Variants in C12orf42 observed in about 807,000 individuals in gnomAD.
The protein encoded by C12orf42 is chromosome 12 open reading frame 42, also known as uncharacterized protein C12orf42.
C12orf42 carries 25 observed loss-of-function variants against 21.6 expected under a neutral mutation model. The observed-to-expected ratio is 1.16, with a 90% CI of 0.84 to 1.62. The LOEUF (loss-of-function observed/expected upper bound fraction) is 1.62, where lower values mean the gene tolerates loss of function less well. Among genes scored for constraint, C12orf42 ranks in the 40% most tolerant of loss-of-function variants. The pLI, the probability that C12orf42 is intolerant of heterozygous loss-of-function variation, is 0.00. For missense variants in C12orf42, 483 were observed against 459.3 expected (o/e 1.05, Z -0.47); for synonymous variants, 174 against 175.0 (o/e 0.99, Z 0.05).
chr12:103,240,890 A>T (rs1421576478), intron 10 of C12orf42, among the ~76,000 whole-genome samples: 1 of 152,126 alleles, frequency 6.6e-6, no homozygotes, highest in Non-Finnish European at 1.5e-5. Context: ...TATTTAAAAC[A>T]CAGTAGATGC....
the C12orf42 span, among the ~76,000 whole-genome samples, chr12:103,524,569 G>A: frequency 3.9e-5 from 6 of 152,200 alleles, no homozygotes; most frequent in Non-Finnish European, 7.3e-5. Context: ...TCATTTATCA[G>A]AATGATGATC....
the C12orf42 span, among the ~76,000 whole-genome samples, chr12:103,207,458 G>A: frequency 6.6e-6 from 1 of 152,214 alleles, no homozygotes; most frequent in Non-Finnish European, 1.5e-5. Context: ...ACGTGCGCGC[G>A]CACAGATGTG....
chr12:103,366,506 A>G (rs938835401), intron 4 of C12orf42, among the ~76,000 whole-genome samples: 11 of 151,950 alleles, frequency 7.2e-5, no homozygotes, highest in South Asian at 2.1e-4. Context: ...GCAAAACGAA[A>G]AGTCAGCAGA....
the C12orf42 span, among the ~76,000 whole-genome samples, chr12:103,543,800 C>T: frequency 1.3e-5 from 2 of 151,880 alleles, no homozygotes; most frequent in African/African-American, 4.8e-5. Context: ...ATCTAAGAAT[C>T]TTCCATCTGG....
the C12orf42 span, among the ~76,000 whole-genome samples, chr12:103,524,959 T>G: frequency 7.2e-6 from 1 of 139,274 alleles, no homozygotes; most frequent in African/African-American, 2.6e-5. Flanking sequence ...TTTTTAGTTT[T>G]TTTGGGGGGG....
At chr12:103,450,353 T>C (rs1232204719) in intron 2 of C12orf42, among the ~76,000 whole-genome samples, 2 of 152,162 alleles carry the variant, frequency 1.3e-5, no homozygotes, top group African/African-American at 4.8e-5. Flanking sequence ...TTTTCTAATG[T>C]TAATCTCCTC....
chr12:103,473,327 T>A (rs542511590), intron 2 of C12orf42, among the ~76,000 whole-genome samples: 8 of 152,314 alleles, frequency 5.3e-5, no homozygotes, highest in Non-Finnish European at 1.0e-4. Flanking sequence ...GCTAAACCAA[T>A]AGGCTTTGAT....
At chr12:103,449,275 T>C (rs187927953) in intron 2 of C12orf42, among the ~76,000 whole-genome samples, 2 of 152,092 alleles carry the variant, frequency 1.3e-5, no homozygotes, top group African/African-American at 4.8e-5. Flanking sequence ...CAATCATAAT[T>C]GGGAGCTAAG....
intron 4 of C12orf42, among the ~76,000 whole-genome samples, chr12:103,282,390 G>A (rs1346433844): frequency 1.3e-5 from 2 of 152,186 alleles, no homozygotes; most frequent in Non-Finnish European, 2.9e-5. Flanking sequence ...AGATTATAAT[G>A]CTGTATTTTT....
At chr12:103,476,219 T>C (rs559175432) in intron 2 of C12orf42, among the ~76,000 whole-genome samples, 1 of 152,280 alleles carries the variant, frequency 6.6e-6, no homozygotes, top group East Asian at 1.9e-4. Context: ...AAGGTATTTG[T>C]CCTGCGGAAA....
chr12:103,433,960 A>G (rs1950456664), intron 2 of C12orf42, among the ~76,000 whole-genome samples: 1 of 152,244 alleles, frequency 6.6e-6, no homozygotes, highest in Non-Finnish European at 1.5e-5. Context: ...ATAAAATGGC[A>G]TGATGTTCGA....
the C12orf42 span, among the ~76,000 whole-genome samples, chr12:103,064,571 C>T: frequency 1.3e-5 from 2 of 152,200 alleles, no homozygotes; most frequent in Non-Finnish European, 2.9e-5. Context: ...ATCATGGCCC[C>T]TCAATCAATT....
chr12:103,323,982 A>C (rs1177019730), intron 4 of C12orf42, among the ~76,000 whole-genome samples: 2 of 152,222 alleles, frequency 1.3e-5, no homozygotes, highest in African/African-American at 2.4e-5. Flanking sequence ...AGTTCTATAT[A>C]ATGAAATTCA....
chr12:103,401,911 G>A (rs1856616582), intron 2 of C12orf42, among the ~76,000 whole-genome samples: 5 of 152,142 alleles, frequency 3.3e-5, no homozygotes, highest in South Asian at 2.1e-4. Flanking sequence ...AGGTATTAAC[G>A]AAATAATCAC....
the C12orf42 span, among the ~76,000 whole-genome samples, chr12:103,051,980 GTCT>G: frequency 6.6e-6 from 1 of 152,144 alleles, no homozygotes; most frequent in Non-Finnish European, 1.5e-5. Context: ...TTCCATAACA[GTCT>G]TCTTGTCCTC....
chr12:103,339,605 T>C (rs2041999946), intron 4 of C12orf42, among the ~76,000 whole-genome samples: 1 of 152,240 alleles, frequency 6.6e-6, no homozygotes, highest in African/African-American at 2.4e-5. Flanking sequence ...TCAACATCAC[T>C]GATCATTAGA....
At chr12:103,256,044 C>T (rs1235892800) in intron 10 of C12orf42, among the ~76,000 whole-genome samples, 1 of 83,128 alleles carries the variant, frequency 1.2e-5, no homozygotes, top group Non-Finnish European at 2.1e-5. Flanking sequence ...AAGAGCGAGA[C>T]TCTGTCTCAA....
the C12orf42 span, among the ~76,000 whole-genome samples, chr12:103,535,787 T>G: frequency 6.6e-6 from 1 of 152,062 alleles, no homozygotes; most frequent in Non-Finnish European, 1.5e-5. Context: ...ATAAGAATTT[T>G]TTTATTTTTA....
chr12:103,438,331 C>G (rs1950912198), intron 2 of C12orf42, among the ~76,000 whole-genome samples: 1 of 152,120 alleles, frequency 6.6e-6, no homozygotes, highest in African/African-American at 2.4e-5. Flanking sequence ...GAAGCATTCC[C>G]TTTGAAAACT....
Sources: gnomAD v4.1 joint callset for allele counts (sites outside exome capture counted in the v4.1 genomes callset) on GRCh38, gnomAD v4.1.1 for gene constraint, MANE v1.5 for transcripts, NCBI Gene and HGNC (gene_info 2026-07-23, HGNC 2026-07-21) for gene names.